ATE1: variants seen among roughly 807,000 people sequenced by gnomAD.
The protein encoded by ATE1 is arginyl-tRNA--protein transferase 1.
ATE1 carries 36 observed loss-of-function variants against 70.5 expected under a neutral mutation model. That is an observed-to-expected ratio of 0.51 (90% CI 0.39 to 0.67). The LOEUF is 0.67. ATE1 is among the 30% of genes least tolerant of loss of function. The pLI, the probability that ATE1 is intolerant of heterozygous loss-of-function variation, is 0.00. For missense variants in ATE1, 593 were observed against 629.5 expected (o/e 0.94, Z 0.62); for synonymous variants, 232 against 219.3 (o/e 1.06, Z -0.51).
chr10:121,848,574 C>A (rs1254304300), intron 8 of ATE1, among the ~76,000 whole-genome samples: 1 of 145,458 alleles, frequency 6.9e-6, no homozygotes, highest in Non-Finnish European at 1.5e-5. Flanking sequence ...GCCAAGATCA[C>A]ACCATTGCAC....
intron 7 of ATE1, among the ~76,000 whole-genome samples, chr10:121,884,319 G>T (rs1370959184): frequency 2.6e-5 from 4 of 151,944 alleles, no homozygotes; most frequent in Non-Finnish European, 5.9e-5. Flanking sequence ...AAGGAACTTT[G>T]AGTTAAATGT....
intron 8 of ATE1, among the ~76,000 whole-genome samples, chr10:121,866,272 G>C (rs1949660489): frequency 6.6e-6 from 1 of 152,094 alleles, no homozygotes; most frequent in Non-Finnish European, 1.5e-5. Flanking sequence ...TTGCAAACTA[G>C]AAAAATATCA....
At chr10:121,898,895 G>C (rs770622025) in intron 7 of ATE1, 1 of 1,613,936 alleles carries the variant, frequency 6.2e-7, no homozygotes, top group Non-Finnish European at 8.5e-7. Context: ...CTTGATACTT[G>C]ACATACAAAG....
In ATE1 at chr10:121,763,600, C is replaced by T. The variant is rs190951308; in HGVS notation, c.1379-19742G>A. ...CAGGGGTTGCCAGAGGATGGAGATG[C>T]GGGAGGGAGGGATGAACAGATGCAG... is the stretch of plus-strand genomic sequence containing the variant. On this transcript the variant is annotated intron_variant, in intron 11 of 11. Transcript: ENST00000224652. Among the ~76,000 whole-genome samples, 15 of 152,162 alleles carry T rather than the reference C, an allele frequency of 9.9e-5. No homozygotes were observed. The East Asian group carries it at 2.1e-3, about 22-fold the overall frequency.
At chr10:121,872,050 T>C (rs895526700) in intron 7 of ATE1, among the ~76,000 whole-genome samples, 1 of 152,170 alleles carries the variant, frequency 6.6e-6, no homozygotes, top group Non-Finnish European at 1.5e-5. Context: ...CATGGTAAAT[T>C]TTGATTTTAA....
At chr10:121,753,288 G>A (rs539004861) in intron 11 of ATE1, among the ~76,000 whole-genome samples, 34 of 152,132 alleles carry the variant, frequency 2.2e-4, no homozygotes, top group Non-Finnish European at 4.1e-4. Flanking sequence ...TTTCCAATCT[G>A]AATGCCTTTT....
chr10:121,806,354 G>A (rs976723725), intron 10 of ATE1, among the ~76,000 whole-genome samples: 1 of 152,130 alleles, frequency 6.6e-6, no homozygotes, highest in Non-Finnish European at 1.5e-5. Flanking sequence ...TTGAGGGGCT[G>A]AAGTGGGAAG....
intron 7 of ATE1, among the ~76,000 whole-genome samples, chr10:121,894,473 C>G (rs1434459331): frequency 6.6e-6 from 1 of 152,124 alleles, no homozygotes; most frequent in Non-Finnish European, 1.5e-5. Context: ...AATAGATTTG[C>G]ACCAGGAAAT....
At chr10:121,924,136 C>T in intron 2 of ATE1, 130 bp downstream of exon 2, 1 of 727,018 alleles carries the variant, frequency 1.4e-6, no homozygotes, top group Non-Finnish European at 2.3e-6. Context: ...GACAAAAAAT[C>T]ACTACATAAA....
intron 8 of ATE1, among the ~76,000 whole-genome samples, chr10:121,846,083 A>G (rs146201931): frequency 4.6e-5 from 7 of 151,554 alleles, no homozygotes; most frequent in African/African-American, 1.5e-4. Flanking sequence ...CAGGAAATAT[A>G]CAAGATCAGC....
intron 10 of ATE1, among the ~76,000 whole-genome samples, chr10:121,821,697 A>G (rs766008904): frequency 6.6e-5 from 10 of 152,158 alleles, no homozygotes; most frequent in Non-Finnish European, 1.5e-4. Flanking sequence ...CCTGGCCAAT[A>G]TGGGGGAACC....
chr10:121,884,131 A>AG (rs1950309133), intron 7 of ATE1, among the ~76,000 whole-genome samples: 1 of 145,144 alleles, frequency 6.9e-6, no homozygotes, highest in Admixed American at 6.9e-5. Flanking sequence ...AAAAAAAAAA[A>AG]GCACTGCAAT....
chr10:121,790,401 A>G, intron 10 of ATE1, 112 bp from the exon 11 acceptor site: 3 of 1,354,794 alleles, frequency 2.2e-6, no homozygotes, highest in Non-Finnish European at 3.0e-6. Context: ...AGTCAACCAG[A>G]AACTGTTTTA....
At chr10:121,814,162 C>T (rs778767821) in intron 10 of ATE1, among the ~76,000 whole-genome samples, 1 of 152,096 alleles carries the variant, frequency 6.6e-6, no homozygotes, top group Non-Finnish European at 1.5e-5. Flanking sequence ...CAAATGCACA[C>T]CTCTCAATTG....
intron 10 of ATE1, among the ~76,000 whole-genome samples, chr10:121,801,947 CAT>C (rs1281469503): frequency 2.1e-5 from 3 of 145,150 alleles, no homozygotes; most frequent in Admixed American, 6.8e-5. Context: ...AAAAAAAAAA[CAT>C]GGGCCTTTTG....
rs546213010 is a variant in ATE1, at chr10:121,822,042, C to T, written c.1257+14676G>A. 3.9e-5 allele frequency among the ~76,000 whole-genome samples: 6 copies of T among 152,204 alleles called. No homozygotes were observed. The South Asian group carries it at 1.0e-3, about 26-fold the overall frequency. ...TACCCTATGATCTGGCGACTCACAC[C>T]CACATCTCTATTCATCAGGAATGCA... On this transcript the variant is annotated intron_variant, in intron 10 of 11. Transcript: ENST00000224652.
intron 8 of ATE1, among the ~76,000 whole-genome samples, chr10:121,842,362 G>A (rs889280451): frequency 1.3e-5 from 2 of 152,066 alleles, no homozygotes; most frequent in African/African-American, 2.4e-5. Context: ...CCTGGAGACT[G>A]AGTGAATGTT....
intron 3 of ATE1, among the ~76,000 whole-genome samples, chr10:121,920,620 G>A (rs1951843586): frequency 6.6e-6 from 1 of 152,140 alleles, no homozygotes; most frequent in African/African-American, 2.4e-5. Flanking sequence ...GAAGGTACAT[G>A]GAAAATCCAA....
chr10:121,898,033 AC>A (rs1459612546), intron 7 of ATE1, among the ~76,000 whole-genome samples: 1 of 152,076 alleles, frequency 6.6e-6, no homozygotes, highest in African/African-American at 2.4e-5. Flanking sequence ...CATTAAAAAA[AC>A]AAAAGCAGTC....
Sources: gnomAD v4.1 joint callset for allele counts (sites outside exome capture counted in the v4.1 genomes callset) on GRCh38, gnomAD v4.1.1 for gene constraint, MANE v1.5 for transcripts, NCBI Gene and HGNC (gene_info 2026-07-23, HGNC 2026-07-21) for gene names.